The following DGKG variants were observed in gnomAD, a reference collection of about 807,000 sequenced individuals.
DGKG encodes the protein diacylglycerol kinase gamma.
DGKG carries 78 observed loss-of-function variants against 105.3 expected under a neutral mutation model. That is an observed-to-expected ratio of 0.74 (90% CI 0.62 to 0.89). The LOEUF (loss-of-function observed/expected upper bound fraction) is 0.89. Among genes scored for constraint, DGKG ranks in the 40% least tolerant of loss-of-function variants. The pLI is 0.00. For missense variants in DGKG, 958 were observed against 1,020.1 expected (o/e 0.94, Z 0.83); for synonymous variants, 346 against 367.1 (o/e 0.94, Z 0.66).
chr3:186,328,575 C>T (rs1383746048), intron 1 of DGKG, among the ~76,000 whole-genome samples: 3 of 141,124 alleles, frequency 2.1e-5, no homozygotes, highest in African/African-American at 2.6e-5. Context: ...CTACACCATT[C>T]TTTTTTTTTT....
intron 3 of DGKG, among the ~76,000 whole-genome samples, chr3:186,300,081 C>T (rs1723849138): frequency 6.6e-6 from 1 of 152,066 alleles, no homozygotes; most frequent in African/African-American, 2.4e-5. Context: ...AAGTGATCTG[C>T]CTGCCTTGGC....
chr3:186,187,865 C>G (rs1717718992), intron 22 of DGKG, among the ~76,000 whole-genome samples: 1 of 152,166 alleles, frequency 6.6e-6, no homozygotes, highest in Non-Finnish European at 1.5e-5. Context: ...AGCTGGGTCA[C>G]ATGCCACTGA....
chr3:186,155,113 AAT>A (rs1053304166), intron 24 of DGKG, among the ~76,000 whole-genome samples: 1 of 151,940 alleles, frequency 6.6e-6, no homozygotes, highest in African/African-American at 2.4e-5. Context: ...TTCCCGAATA[AAT>A]ATATATATAT....
intron 24 of DGKG, chr3:186,160,406 T>C (rs1716238078): frequency 1.0e-6 from 1 of 985,392 alleles, no homozygotes; most frequent in Non-Finnish European, 1.2e-6. Flanking sequence ...CATCAAATGA[T>C]AAATAGTAGA....
chr3:186,263,305 G>A (rs1191347421), intron 14 of DGKG, among the ~76,000 whole-genome samples: 2 of 152,058 alleles, frequency 1.3e-5, no homozygotes, highest in African/African-American at 2.4e-5. Context: ...GGTGGCTCAT[G>A]CCTGTAATCC....
intron 22 of DGKG, among the ~76,000 whole-genome samples, chr3:186,168,250 G>T (rs1352398667): frequency 1.3e-5 from 2 of 152,206 alleles, no homozygotes; most frequent in Admixed American, 6.5e-5. Flanking sequence ...GAGGAAGAGG[G>T]TCTCTGGGCC....
intron 21 of DGKG, among the ~76,000 whole-genome samples, chr3:186,202,211 C>G (rs138310536): frequency 3.0e-4 from 45 of 152,316 alleles, no homozygotes; most frequent in African/African-American, 1.0e-3. Flanking sequence ...ATTTGTTGAG[C>G]CTAATGGGCT....
intron 22 of DGKG, among the ~76,000 whole-genome samples, chr3:186,187,823 G>A (rs1432291011): frequency 6.6e-6 from 1 of 152,128 alleles, no homozygotes; most frequent in African/African-American, 2.4e-5. Flanking sequence ...GAAGCCAAGT[G>A]GACCAAGCGT....
At chr3:186,265,039 GTCAACCTTTCC>G (rs1721976056) in intron 14 of DGKG, among the ~76,000 whole-genome samples, 197 bp downstream of exon 14, 1 of 152,238 alleles carries the variant, frequency 6.6e-6, no homozygotes, top group Non-Finnish European at 1.5e-5. Context: ...AATGGGATCA[GTCAACCTTTCC>G]TCTCACCACT....
intron 20 of DGKG, among the ~76,000 whole-genome samples, chr3:186,221,109 C>A (rs1244626923): frequency 6.6e-6 from 1 of 152,198 alleles, no homozygotes. Context: ...CAGACACTGC[C>A]CCTCTGAGGC....
intron 20 of DGKG, among the ~76,000 whole-genome samples, chr3:186,220,077 A>G (rs1453403603): frequency 6.6e-6 from 1 of 152,232 alleles, no homozygotes; most frequent in Admixed American, 6.5e-5. Context: ...GTTAAACTAT[A>G]ATTTTTTTGA....
intron 3 of DGKG, among the ~76,000 whole-genome samples, chr3:186,302,554 A>G (rs1724021633): frequency 6.6e-5 from 2 of 30,452 alleles, no homozygotes; most frequent in East Asian, 3.9e-4. Context: ...ATATATATAT[A>G]TATACACATA....
In DGKG at chr3:186,260,558, G is replaced by A. The variant is rs191968178; in HGVS notation, c.1350-45C>T. On this transcript the variant is annotated intron_variant, in intron 15 of 24. Coordinates refer to ENST00000265022, the MANE Select transcript of DGKG (RefSeq NM_001346.3). ...AGGAGGGAGAGAGAGAGACAGAGAA[G>A]GAATATGTCATCGTGAGAAGTCACA... is the stretch of plus-strand genomic sequence containing the variant. 3.1e-3 allele frequency: 4,468 copies of A among 1,425,140 alleles called. 8 individuals are homozygous for A. Among genetic ancestry groups the A allele is most frequent in the Non-Finnish European group, 4.0e-3 (4,047 of 1,015,002 alleles). The allele number at this position is 1,425,140 out of a possible 1,614,324, so 88.3% of individuals were successfully genotyped here.
chr3:186,185,808 C>A (rs1717599404), intron 22 of DGKG, among the ~76,000 whole-genome samples: 1 of 151,984 alleles, frequency 6.6e-6, no homozygotes, highest in Non-Finnish European at 1.5e-5. Flanking sequence ...CTTAAGGGGT[C>A]AACAGAGGCC....
chr3:186,344,377 C>T (rs2108663588), intron 1 of DGKG, among the ~76,000 whole-genome samples: 1 of 139,812 alleles, frequency 7.2e-6, no homozygotes, highest in South Asian at 2.1e-4. Context: ...AAATGTGGTA[C>T]ATATACACCA....
At chr3:186,254,095 G>T (rs532536102) in intron 17 of DGKG, among the ~76,000 whole-genome samples, 1 of 152,138 alleles carries the variant, frequency 6.6e-6, no homozygotes, top group Non-Finnish European at 1.5e-5. Context: ...CAGATCTACC[G>T]TGGCATATTG....
chr3:186,298,933 G>C (rs1478249629), intron 3 of DGKG, among the ~76,000 whole-genome samples: 1 of 152,188 alleles, frequency 6.6e-6, no homozygotes, highest in Non-Finnish European at 1.5e-5. Context: ...TAGGCACCAG[G>C]AGAAGAGCAG....
rs562912637 is a variant in DGKG at position 186,319,418 on chromosome 3, C to T, written c.67+975G>A. On this transcript the variant is annotated intron_variant, in intron 2 of 24. Coordinates refer to ENST00000265022, the MANE Select transcript of DGKG (RefSeq NM_001346.3). Reference sequence around the variant, plus strand: ...CTGGATTCCCTGACTCCTAGACCAGCGCTGGGGACAAGGACTGCCTACTGT... The same window carrying T: ...CTGGATTCCCTGACTCCTAGACCAGTGCTGGGGACAAGGACTGCCTACTGT... 6.6e-5 allele frequency among the ~76,000 whole-genome samples: 10 copies of T among 152,290 alleles called. No individual in the cohort carries two copies. The East Asian group carries it at 7.7e-4, about 12-fold the overall frequency.
At chr3:186,207,340 C>T (rs1467846240) in intron 21 of DGKG, 22 of 580,308 alleles carry the variant, frequency 3.8e-5, no homozygotes, top group African/African-American at 8.1e-5. Flanking sequence ...AGTACTGCCC[C>T]GAAACTCTCG....
Sources: allele counts gnomAD v4.1 joint callset (sites outside exome capture counted in the v4.1 genomes callset), GRCh38; gene constraint gnomAD v4.1.1; transcripts MANE v1.5; gene names NCBI Gene and HGNC (gene_info 2026-07-23, HGNC 2026-07-21).